The following CHRD variants were observed in gnomAD, a reference collection of about 807,000 sequenced individuals.
The protein encoded by CHRD is chordin.
CHRD carries 69 observed loss-of-function variants against 113.7 expected under a neutral mutation model. That is an observed-to-expected ratio of 0.61 (90% CI 0.50 to 0.74). The LOEUF (loss-of-function observed/expected upper bound fraction) is 0.74, where lower values mean the gene tolerates loss of function less well. CHRD is among the 30% of genes least tolerant of loss of function. CHRD has a pLI of 0.00. For missense variants in CHRD, 1,194 were observed against 1,295.8 expected (o/e 0.92, Z 1.21); for synonymous variants, 561 against 540.8 (o/e 1.04, Z -0.52).
chr3:184,389,303 A>G (rs1352366762), intron 22 of CHRD, 64 bp from the exon 23 acceptor site: 3 of 1,507,888 alleles, frequency 2.0e-6, no homozygotes, highest in South Asian at 2.3e-5. Context: ...CCTGCCCTCT[A>G]TGCCTCTCTG....
At chr3:184,385,887 A>T (rs1374233436) in intron 14 of CHRD, among the ~76,000 whole-genome samples, 159 bp from the exon 15 acceptor site, 5 of 151,886 alleles carry the variant, frequency 3.3e-5, no homozygotes, top group Non-Finnish European at 7.4e-5. Context: ...TTGGTCAGAG[A>T]GACCTGGCTT....
Position 184,386,283 on chromosome 3 carries a change from C to G in CHRD, c.1932+124C>G, listed in dbSNP as rs999312422. Reference sequence around the variant, plus strand: ...GGGGGTGGTCGTATCACAGCGCCCCCCCGGCTGGTGGGGAGGATGAGCTAC... The same window carrying G: ...GGGGGTGGTCGTATCACAGCGCCCCGCCGGCTGGTGGGGAGGATGAGCTAC... On this transcript the variant is annotated intron_variant, in intron 15 of 22. Transcript: ENST00000204604. 4.0e-6 allele frequency: 5 copies of G among 1,236,704 alleles called. No individual in the cohort carries two copies. The Admixed American group carries it at 6.5e-5, about 16-fold the overall frequency. The allele number at this position is 1,236,704 out of a possible 1,614,324, so 76.6% of individuals were successfully genotyped here.
At chr3:184,386,091 C>T in exon 15 of CHRD, 1 of 1,614,228 alleles carries the variant, frequency 6.2e-7, no homozygotes, top group Non-Finnish European at 8.5e-7. Context: ...GCTGCGGCAC[C>T]TGGCAAAAGG....
At chr3:184,386,600 G>C in exon 16 of CHRD, 1 of 1,602,850 alleles carries the variant, frequency 6.2e-7, no homozygotes, top group African/African-American at 1.3e-5. Flanking sequence ...TGCGCCGCCT[G>C]TGGTGCCTGG....
chr3:184,389,210 A>T (rs967265093), intron 22 of CHRD, among the ~76,000 whole-genome samples, 157 bp from the exon 23 acceptor site: 2 of 152,218 alleles, frequency 1.3e-5, no homozygotes, highest in Admixed American at 1.3e-4. Flanking sequence ...AAATTAAGCA[A>T]CGAGATGAAG....
chr3:184,381,929 C>T lies in CHRD; in HGVS notation c.612-4C>T. On this transcript the variant is annotated splice_polypyrimidine_tract_variant and splice_region_variant and intron_variant, in intron 5 of 22. Transcript: ENST00000204604. This position sits in a 1 kb window ranked among gnomAD's most constrained non-coding sequence, Gnocchi z 4.7. ...TCCGGCCTCACCCGACCTCTCATTC[C>T]CAGGCTGGACCGCCCTACCAGGATC... The T allele has an allele frequency of 1.2e-6, 2 of 1,614,074 alleles. No homozygotes were observed. The highest frequency in any genetic ancestry group is 1.7e-6 in the Non-Finnish European group (2 of 1,180,030).
upstream of CHRD, chr3:184,380,069 A>T (rs1447316431): frequency 7.8e-5 from 11 of 141,694 alleles, no homozygotes; most frequent in African/African-American, 2.6e-4. The surrounding 1 kb of genome is among the most constrained non-coding windows in gnomAD (Gnocchi z 6.3). Flanking sequence ...AGAGCCGCGT[A>T]CGGCCCGGGT....
chr3:184,380,793 G>T lies in CHRD; in HGVS notation c.250G>T (p.Ala84Ser). The T allele has an allele frequency of 6.3e-7, 1 of 1,590,944 alleles. No individual in the cohort carries two copies. The highest frequency in any genetic ancestry group is 8.5e-7 in the Non-Finnish European group (1 of 1,174,310). ...GCGCTGCGTGCTGTGCGCCTGCGAGGCGGTGAGTGCACCCCGCGGCCGGCC... is the reference window on the plus strand; with the variant it reads ...GCGCTGCGTGCTGTGCGCCTGCGAGTCGGTGAGTGCACCCCGCGGCCGGCC... Residue 84 changes from alanine to serine, a missense_variant and splice_region_variant, in exon 2 of 23, where the codon GCG (alanine) becomes TCG (serine). Physicochemically the swap from Ala to Ser is moderately conservative, Grantham distance 99. Coordinates refer to ENST00000204604, the Ensembl canonical transcript of CHRD. This position sits in a 1 kb window ranked among gnomAD's most constrained non-coding sequence, Gnocchi z 6.3.
In CHRD at chr3:184,380,308, C is replaced by G. The variant is rs753517862; in HGVS notation, c.-11C>G. 3.7e-5 allele frequency: 49 copies of G among 1,312,866 alleles called. No individual in the cohort carries two copies. Among genetic ancestry groups the G allele is most frequent in the Non-Finnish European group, 4.8e-5 (49 of 1,019,328 alleles). 81.3% of individuals were successfully genotyped at this position (1,312,866 alleles called of 1,614,324 possible). A position where few individuals can be genotyped will look rare whatever the true frequency, so the allele number is the denominator to read the frequency against. On this transcript the variant is annotated 5_prime_UTR_variant, in exon 1 of 23. Transcript: ENST00000204604. This position sits in a 1 kb window ranked among gnomAD's most constrained non-coding sequence, Gnocchi z 6.3. ...CCTCCCTCCCTCCTCCCCAGCTGTC[C>G]CGTTCGCGTCATGCCGAGCCTCCCG... is the stretch of plus-strand genomic sequence containing the variant.
chr3:184,387,556 G>A lies in CHRD; in HGVS notation c.2451+79G>A. 3 of 1,324,330 alleles carry A rather than the reference G, an allele frequency of 2.3e-6. No individual in the cohort carries two copies. The highest frequency in any genetic ancestry group is 3.1e-6 in the Non-Finnish European group (3 of 977,006). 82.0% of individuals were successfully genotyped at this position (1,324,330 alleles called of 1,614,324 possible). On this transcript the variant is annotated intron_variant, in intron 19 of 22. Coordinates refer to ENST00000204604, the Ensembl canonical transcript of CHRD. This position sits in a 1 kb window ranked among gnomAD's most constrained non-coding sequence, Gnocchi z 6.1. ...GGGGAGGGGCTGCCAGGTGAGGAAG[G>A]CCCGTCCTTGGTGAGGAGGGCTCAA...
intron 15 of CHRD, 137 bp downstream of exon 15, chr3:184,386,296 G>T: frequency 8.2e-7 from 1 of 1,218,226 alleles, no homozygotes; most frequent in Non-Finnish European, 1.2e-6. Context: ...GGCTGGTGGG[G>T]AGGATGAGCT....
chr3:184,380,564 G>A lies in CHRD; in HGVS notation c.148+98G>A. The A allele has an allele frequency of 9.7e-7, 1 of 1,034,744 alleles. No individual in the cohort carries two copies. The highest frequency in any genetic ancestry group is 1.2e-6 in the Non-Finnish European group (1 of 832,786). The allele number at this position is 1,034,744 out of a possible 1,614,324, so 64.1% of individuals were successfully genotyped here. The stretch of plus-strand genomic sequence containing the variant: ...CGCGGGGCGCAGGTGGCTCGGCGCG[G>A]CGGGCGGCCCGGAGGGTGGGCGGGG... On this transcript the variant is annotated intron_variant, in intron 1 of 22. Coordinates refer to ENST00000204604, the Ensembl canonical transcript of CHRD. The surrounding 1 kb of genome is among the most constrained non-coding windows in gnomAD (Gnocchi z 6.3).
intron 7 of CHRD, 24 bp downstream of exon 7, chr3:184,382,554 G>C (rs745576979): frequency 6.2e-7 from 1 of 1,613,088 alleles, no homozygotes; most frequent in East Asian, 2.2e-5. Context: ...AGCCCCGGGC[G>C]TGAAGTTCTG....
rs761747975 is a variant in CHRD at position 184,384,967 on chromosome 3, C to T, written c.1598-51C>T. On this transcript the variant is annotated intron_variant, in intron 13 of 22. Transcript: ENST00000204604. This position sits in a 1 kb window ranked among gnomAD's most constrained non-coding sequence, Gnocchi z 4.4. Reference sequence around the variant, plus strand: ...GAGCTGGGAATGCTGGGTTTGAGGGCTTGCCCTAGGCCACCTTCTCACCTG... The same window carrying T: ...GAGCTGGGAATGCTGGGTTTGAGGGTTTGCCCTAGGCCACCTTCTCACCTG... 6 of 1,574,048 alleles carry T rather than the reference C, an allele frequency of 3.8e-6. No individual in the cohort carries two copies. The highest frequency in any genetic ancestry group is 5.2e-6 in the Non-Finnish European group (6 of 1,148,094).
Position 184,387,067 on chromosome 3 carries a change from A to G in CHRD, c.2307A>G (p.Arg769=). The G allele has an allele frequency of 1.2e-6, 2 of 1,614,080 alleles. No homozygotes were observed. Among genetic ancestry groups the G allele is most frequent in the South Asian group, 1.1e-5 (1 of 91,074 alleles). Residue 769 remains arginine (R), a synonymous_variant, in exon 18 of 23, where the codon AGA becomes AGG. Transcript: ENST00000204604. The surrounding 1 kb of genome is among the most constrained non-coding windows in gnomAD (Gnocchi z 6.1). ...GCTCCACAGAGAAACAAGATGTCAG[A>G]GACTTGCCAGGGCTGCCAAGGAGCC...
In CHRD at chr3:184,380,684, C is replaced by T. The variant is rs766133113; in HGVS notation, c.149-8C>T. On this transcript the variant is annotated splice_polypyrimidine_tract_variant and splice_region_variant and intron_variant, in intron 1 of 22. Transcript: ENST00000204604. The surrounding 1 kb of genome is among the most constrained non-coding windows in gnomAD (Gnocchi z 6.3). Reference sequence around the variant, plus strand: ...GGCAGCGGCCTCCAGCCAAGCCCGTCCCCGCAGGCTGCACCTTCGGCGGGA... The same window carrying T: ...GGCAGCGGCCTCCAGCCAAGCCCGTTCCCGCAGGCTGCACCTTCGGCGGGA... 2 of 1,575,560 alleles carry T rather than the reference C, an allele frequency of 1.3e-6. No individual in the cohort carries two copies. The highest frequency in any genetic ancestry group is 1.7e-6 in the Non-Finnish European group (2 of 1,168,090).
intron 6 of CHRD, 28 bp from the exon 7 acceptor site, chr3:184,382,361 G>C (rs374700581): frequency 6.2e-7 from 1 of 1,614,076 alleles, no homozygotes; most frequent in Non-Finnish European, 8.5e-7. Flanking sequence ...GTGTCTGAGC[G>C]TAGGGCCTTC....
Position 184,388,586 on chromosome 3 carries a change from G to C in CHRD, c.2555-1G>C. 1 of 1,609,006 alleles carries C rather than the reference G, an allele frequency of 6.2e-7. No individual in the cohort carries two copies. Among genetic ancestry groups the C allele is most frequent in the Non-Finnish European group, 8.5e-7 (1 of 1,179,714 alleles). ...GATCCTTTCTCTTTCCCTCTCAACA[G>C]TGGGGTCGGGGGCCCACCCCCAGCT... On this transcript the variant is annotated splice_acceptor_variant, in intron 20 of 22. Transcript: ENST00000204604. LOFTEE classifies it high-confidence loss of function. The surrounding 1 kb of genome is among the most constrained non-coding windows in gnomAD (Gnocchi z 6.1).
chr3:184,383,774 A>AATT, intron 12 of CHRD, 132 bp downstream of exon 12: 2 of 603,950 alleles, frequency 3.3e-6, no homozygotes, highest in Non-Finnish European at 4.8e-6. Context: ...TATTCATTTG[A>AATT]CTTTTTTTTT....
Sources: allele counts gnomAD v4.1 joint callset (sites outside exome capture counted in the v4.1 genomes callset), GRCh38; gene constraint gnomAD v4.1.1; non-coding constraint Gnocchi (gnomAD v3.1); transcripts MANE v1.5; gene names NCBI Gene and HGNC (gene_info 2026-07-23, HGNC 2026-07-21).